Variants in NEU3 observed in about 807,000 individuals in gnomAD.
NEU3 encodes neuraminidase 3.
Under a neutral mutation model 11.4 loss-of-function variants are expected in NEU3, and 10 were observed. That is an observed-to-expected ratio of 0.88 (90% CI 0.54 to 1.49). NEU3 has a LOEUF of 1.49. NEU3 is among the 40% of genes most tolerant of loss of function. NEU3 has a pLI of 0.00. For synonymous variants in NEU3, 212 were observed against 228.2 expected, an observed-to-expected ratio of 0.93 and a Z score of 0.64; for missense variants, 529 against 581.8, an observed-to-expected ratio of 0.91 and a Z score of 0.93.
intron 2 of NEU3, among the ~76,000 whole-genome samples, chr11:75,002,433 A>G (rs544987767): frequency 6.6e-6 from 1 of 152,362 alleles, no homozygotes; most frequent in South Asian, 2.1e-4. Context: ...ATAAAAAGAT[A>G]TATATCTCAT....
Position 75,005,565 on chromosome 11 carries a change from C to T in NEU3, c.459C>T (p.Gly153=). The T allele has an allele frequency of 6.2e-7, 1 of 1,613,950 alleles. No homozygotes were observed. Among genetic ancestry groups the T allele is most frequent in the Non-Finnish European group, 8.5e-7 (1 of 1,179,896 alleles). Residue 153 remains glycine, a synonymous_variant, in exon 3 of 3, where the codon GGC becomes GGT. Transcript: ENST00000294064. ...HVTERQQIVS[G]RNAARLCFIY... is the part of the protein sequence containing the mutation. ...CAGAGCGTCAACAGATTGTGTCAGG[C>T]AGGAATGCTGCCCGCCTTTGCTTCA...
At chr11:75,005,141 G>A (rs1432527064) in intron 2 of NEU3, among the ~76,000 whole-genome samples, 1 of 152,082 alleles carries the variant, frequency 6.6e-6, no homozygotes, top group African/African-American at 2.4e-5. Flanking sequence ...TGACTTTTGA[G>A]TTGGGTATGG....
At chr11:75,014,783 T>C (rs1392538660), downstream of NEU3, among the ~76,000 whole-genome samples, 1 of 152,082 alleles carries the variant, frequency 6.6e-6, no homozygotes, top group Non-Finnish European at 1.5e-5. Flanking sequence ...GAGGACCACG[T>C]GAGGCCCAGG....
chr11:75,012,089 A>G (rs1255690076), downstream of NEU3, among the ~76,000 whole-genome samples: 3 of 152,226 alleles, frequency 2.0e-5, no homozygotes, highest in Non-Finnish European at 4.4e-5. Flanking sequence ...GTTGATTGAT[A>G]GTCCCTGAGT....
chr11:75,016,721 A>C (rs1055028455), intron 3 of NEU3, among the ~76,000 whole-genome samples: 1 of 152,138 alleles, frequency 6.6e-6, no homozygotes, highest in African/African-American at 2.4e-5. Context: ...CACTCCTTTC[A>C]TTTGGCTTTA....
downstream of NEU3, among the ~76,000 whole-genome samples, chr11:75,012,378 G>A (rs1252691562): frequency 6.6e-6 from 1 of 152,130 alleles, no homozygotes; most frequent in Non-Finnish European, 1.5e-5. Flanking sequence ...GTTTAAATTG[G>A]CTTATAAAGG....
In NEU3 at chr11:74,994,610, C is replaced by T. The variant is rs758435142; in HGVS notation, c.196C>T (p.Pro66Ser). ...CCGGATCCCAGCCCTGCTCTACATA[C>T]CCCCCACCCACACCTTCCTGGCCTT... is the stretch of plus-strand genomic sequence containing the variant. ...TYRIPALLYIPPTHTFLAFAE... is the reference protein window; with the variant it reads ...TYRIPALLYISPTHTFLAFAE... The change falls in exon 2 of 3, where the codon CCC (proline) becomes TCC (serine). Residue 66 changes from proline (P) to serine (S), a missense_variant. Pro to Ser is a moderately conservative substitution (Grantham distance 74, BLOSUM62 -1). Transcript: ENST00000294064. 6.2e-7 allele frequency: 1 copy of T among 1,613,336 alleles called. No homozygotes were observed. Among genetic ancestry groups the T allele is most frequent in the South Asian group, 1.1e-5 (1 of 90,778 alleles).
At position 74,999,227 on chromosome 11, in the gene NEU3, G is replaced by A. The variant is rs1168485512; in HGVS notation, c.306+4507G>A. On this transcript the variant is annotated intron_variant, in intron 2 of 2. Transcript: ENST00000294064. ...ACAGGCTTGATCATTGCATACTATA[G>A]CCTCAAACTCCTGGCCTCAAGCAAT... Among the ~76,000 whole-genome samples the A allele has an allele frequency of 2.0e-5, 3 of 152,182 alleles. No individual in the cohort carries two copies. In the East Asian group the frequency reaches 5.8e-4, roughly 29 times the overall value.
rs1948876156 is a variant in NEU3, at chr11:75,004,297, AT to A, written c.307-1111del. On this transcript the variant is annotated intron_variant, in intron 2 of 2. Transcript: ENST00000294064. Reference sequence around the variant, plus strand: ...AATTTAGTTATTTTGTTTTATTTTTATTTTTAGAGATGGGGTTTTGCCATGT... The same window carrying A: ...AATTTAGTTATTTTGTTTTATTTTTATTTTAGAGATGGGGTTTTGCCATGT... 4.4e-6 allele frequency: 3 copies of A among 679,484 alleles called. No individual in the cohort carries two copies. The East Asian group carries it at 8.5e-5, about 19-fold the overall frequency. 42.1% of individuals were successfully genotyped at this position (679,484 alleles called of 1,614,324 possible). A position where few individuals can be genotyped will look rare whatever the true frequency, so the allele number is the denominator to read the frequency against.
Position 75,006,647 on chromosome 11 carries a change from T to C in NEU3, c.*155T>C. 1 of 845,472 alleles carries C rather than the reference T, an allele frequency of 1.2e-6. No homozygotes were observed. Among genetic ancestry groups the C allele is most frequent in the Non-Finnish European group, 1.8e-6 (1 of 565,756 alleles). The allele number at this position is 845,472 out of a possible 1,614,324, so 52.4% of individuals were successfully genotyped here. A position where few individuals can be genotyped will look rare whatever the true frequency, so the allele number is the denominator to read the frequency against. Reference sequence around the variant, plus strand: ...AAAGAGCAAAATGAAAATTTTGCCTTAGCTACTGCAGTGGAAAGAGCACTG... The same window carrying C: ...AAAGAGCAAAATGAAAATTTTGCCTCAGCTACTGCAGTGGAAAGAGCACTG... On this transcript the variant is annotated 3_prime_UTR_variant, in exon 3 of 3. Coordinates refer to ENST00000294064, the MANE Select transcript of NEU3 (RefSeq NM_006656.6).
downstream of NEU3, among the ~76,000 whole-genome samples, chr11:75,019,583 C>T (rs1489345923): frequency 3.9e-5 from 6 of 152,172 alleles, no homozygotes; most frequent in Non-Finnish European, 8.8e-5. Context: ...TCATATTAGC[C>T]CATAATGTGT....
chr11:75,016,920 C>T (rs142824291), intron 3 of NEU3, among the ~76,000 whole-genome samples: 1 of 152,294 alleles, frequency 6.6e-6, no homozygotes, highest in Non-Finnish European at 1.5e-5. Context: ...CTGGTCTGAA[C>T]ACTCTAGCCT....
downstream of NEU3, among the ~76,000 whole-genome samples, chr11:75,012,450 G>C (rs1948962201): frequency 6.6e-6 from 1 of 152,204 alleles, no homozygotes; most frequent in African/African-American, 2.4e-5. Context: ...ATGTGATTTT[G>C]ATGTCAAGGC....
chr11:75,006,378 G>A lies in NEU3; in HGVS notation c.1272G>A (p.Lys424=). 3 of 1,614,000 alleles carry A rather than the reference G, an allele frequency of 1.9e-6. No individual in the cohort carries two copies. Among genetic ancestry groups the A allele is most frequent in the South Asian group, 2.2e-5 (2 of 91,082 alleles). The part of the protein sequence containing the change: ...LFGCLFECGT[K]QECEQIAFRL... The stretch of plus-strand genomic sequence containing the variant: ...GGTGTTTGTTTGAATGTGGGACCAA[G>A]CAAGAGTGTGAGCAGATTGCCTTCC... The change falls in exon 3 of 3, where the codon AAG becomes AAA. Residue 424 remains lysine (K), a synonymous_variant. Coordinates refer to ENST00000294064, the MANE Select transcript of NEU3 (RefSeq NM_006656.6).
chr11:75,011,066 C>T (rs1948951728), downstream of NEU3, among the ~76,000 whole-genome samples: 1 of 152,134 alleles, frequency 6.6e-6, no homozygotes, highest in Non-Finnish European at 1.5e-5. Context: ...TGCACTTTTA[C>T]ACATTGTTAT....
chr11:75,000,847 C>G (rs529231428), intron 2 of NEU3, among the ~76,000 whole-genome samples: 1 of 150,682 alleles, frequency 6.6e-6, no homozygotes, highest in Non-Finnish European at 1.5e-5. Flanking sequence ...GTATGTTGCC[C>G]GGGCTCCATT....
chr11:74,986,864 A>G (rs1364929089), upstream of NEU3, among the ~76,000 whole-genome samples: 2 of 151,956 alleles, frequency 1.3e-5, no homozygotes, highest in African/African-American at 2.4e-5. Context: ...TCCTTAACTC[A>G]TTACTGTTTT....
chr11:75,013,073 A>AG (rs2140258391), downstream of NEU3, among the ~76,000 whole-genome samples: 1 of 152,364 alleles, frequency 6.6e-6, no homozygotes, highest in East Asian at 1.9e-4. Flanking sequence ...GTACATTACC[A>AG]GGAGAGACAT....
Position 74,989,029 on chromosome 11 carries a change from T to A in NEU3, c.-32T>A. 1 of 1,519,418 alleles carries A rather than the reference T, an allele frequency of 6.6e-7. No homozygotes were observed. The highest frequency in any genetic ancestry group is 8.9e-7 in the Non-Finnish European group (1 of 1,119,786). 94.1% of individuals were successfully genotyped at this position (1,519,418 alleles called of 1,614,324 possible). ...CTCCTCTGTCTCAGTCTCCCCAGCCTTGGGGCCGGTGCCTCTTCCGGGCTT... is the reference window on the plus strand; with the variant it reads ...CTCCTCTGTCTCAGTCTCCCCAGCCATGGGGCCGGTGCCTCTTCCGGGCTT... On this transcript the variant is annotated 5_prime_UTR_variant, in exon 1 of 3. The change creates a new upstream start codon in the 5' untranslated region. Transcript: ENST00000294064.
Sources: gnomAD v4.1 joint callset for allele counts (sites outside exome capture counted in the v4.1 genomes callset) on GRCh38, gnomAD v4.1.1 for gene constraint, MANE v1.5 for transcripts, NCBI Gene and HGNC (gene_info 2026-07-23, HGNC 2026-07-21) for gene names.